The following CACNB2 variants were observed in gnomAD, a reference collection of about 807,000 sequenced individuals.
CACNB2 encodes calcium voltage-gated channel auxiliary subunit beta 2.
In CACNB2, 42 loss-of-function variants were observed where a neutral mutation model predicts 73.3. The ratio of observed to expected loss-of-function variants is 0.57; its 90% CI spans 0.45 to 0.74. The LOEUF (loss-of-function observed/expected upper bound fraction) is 0.74. Ranked by LOEUF, CACNB2 falls within the 30% of genes least tolerant of loss-of-function variation. The pLI, the probability that CACNB2 is intolerant of heterozygous loss-of-function variation, is 0.00. For synonymous variants in CACNB2, 348 were observed against 310.3 expected (o/e 1.12, Z -1.28); for missense variants, 940 against 853.0 (o/e 1.10, Z -1.27).
intron 3 of CACNB2, among the ~76,000 whole-genome samples, chr10:18,420,058 C>T (rs1312171339): frequency 1.3e-5 from 2 of 152,072 alleles, no homozygotes; most frequent in Non-Finnish European, 2.9e-5. Context: ...CCAGGCGTGC[C>T]CAACCCCCTG....
chr10:18,536,243 C>CTTTTCT (rs1327787339), intron 12 of CACNB2, 47 bp downstream of exon 12: 4,035 of 282,230 alleles, frequency 0.014, 344 homozygotes, highest in East Asian at 0.047. Flanking sequence ...GAGATCAGAC[C>CTTTTCT]TTTTTTTTTT....
At chr10:18,349,775 T>C (rs1301660595) in intron 2 of CACNB2, among the ~76,000 whole-genome samples, 5 of 151,576 alleles carry the variant, frequency 3.3e-5, no homozygotes, top group Admixed American at 3.3e-4. Flanking sequence ...GGCTACCCAA[T>C]AATGTGAATG....
intron 2 of CACNB2, among the ~76,000 whole-genome samples, chr10:18,191,834 A>G (rs1472012827): frequency 1.3e-5 from 2 of 152,138 alleles, no homozygotes; most frequent in African/African-American, 2.4e-5. Flanking sequence ...TTATGCACTC[A>G]TTGATTCATG....
At chr10:18,373,228 C>T (rs545719397) in intron 2 of CACNB2, among the ~76,000 whole-genome samples, 1 of 152,108 alleles carries the variant, frequency 6.6e-6, no homozygotes, top group Non-Finnish European at 1.5e-5. Context: ...GAAACTTACC[C>T]CTCTCCTTTC....
intron 2 of CACNB2, among the ~76,000 whole-genome samples, chr10:18,328,208 G>A (rs1448770399): frequency 1.3e-5 from 2 of 152,156 alleles, no homozygotes; most frequent in African/African-American, 4.8e-5. Context: ...AATTTACATG[G>A]CCCTAAAACA....
chr10:18,518,261 A>G (rs1230313161), intron 7 of CACNB2, 75 bp from the exon 8 acceptor site: 3 of 994,116 alleles, frequency 3.0e-6, no homozygotes, highest in Non-Finnish European at 3.2e-6. Context: ...GGAGTTCAGA[A>G]AGAGTACCTT....
intron 2 of CACNB2, among the ~76,000 whole-genome samples, chr10:18,159,733 GATA>G (rs2032320260): frequency 1.3e-5 from 2 of 152,302 alleles, no homozygotes; most frequent in South Asian, 4.1e-4. Flanking sequence ...ATTAAACTGC[GATA>G]ATGATTACAG....
chr10:18,394,688 C>A (rs961028983), intron 2 of CACNB2, among the ~76,000 whole-genome samples: 1 of 152,042 alleles, frequency 6.6e-6, no homozygotes, highest in African/African-American at 2.4e-5. Flanking sequence ...TGAAGATAAT[C>A]GAAATTACAT....
chr10:18,174,125 A>G (rs1053031409), intron 2 of CACNB2, among the ~76,000 whole-genome samples: 6 of 152,116 alleles, frequency 3.9e-5, no homozygotes, highest in African/African-American at 1.4e-4. Flanking sequence ...CATTGTTTGA[A>G]AGAAGTGAAA....
intron 2 of CACNB2, among the ~76,000 whole-genome samples, chr10:18,202,054 T>A (rs2034904555): frequency 6.6e-6 from 1 of 152,196 alleles, no homozygotes; most frequent in African/African-American, 2.4e-5. Context: ...TCACCAACAT[T>A]TTACCAGCTC....
intron 2 of CACNB2, among the ~76,000 whole-genome samples, chr10:18,355,385 C>T (rs1164580996): frequency 3.3e-5 from 5 of 152,006 alleles, no homozygotes; most frequent in African/African-American, 9.7e-5. Flanking sequence ...AATGTATCGT[C>T]GTTTTTTTAA....
chr10:18,263,762 G>A (rs186449990), intron 2 of CACNB2, among the ~76,000 whole-genome samples: 2 of 152,214 alleles, frequency 1.3e-5, no homozygotes, highest in Non-Finnish European at 2.9e-5. Context: ...GGTTGCCTCC[G>A]CTCACTTGTT....
intron 2 of CACNB2, among the ~76,000 whole-genome samples, chr10:18,310,638 A>C (rs1317466908): frequency 8.7e-5 from 13 of 150,276 alleles, no homozygotes; most frequent in African/African-American, 1.7e-4. Flanking sequence ...AGTAAAAAAA[A>C]AAAGAAAATT....
At chr10:18,322,914 T>A (rs927183735) in intron 2 of CACNB2, among the ~76,000 whole-genome samples, 1 of 151,270 alleles carries the variant, frequency 6.6e-6, no homozygotes, top group Non-Finnish European at 1.5e-5. Context: ...TATAGAAAAT[T>A]GCAAGAAAAA....
intron 2 of CACNB2, among the ~76,000 whole-genome samples, chr10:18,333,890 C>G (rs781210598): frequency 4.6e-5 from 7 of 151,934 alleles, no homozygotes; most frequent in Admixed American, 1.3e-4. Flanking sequence ...CGTCTCCTGG[C>G]AACGTAACAT....
intron 2 of CACNB2, among the ~76,000 whole-genome samples, chr10:18,360,724 C>T (rs2042107741): frequency 6.6e-6 from 1 of 152,202 alleles, no homozygotes; most frequent in Admixed American, 6.5e-5. Context: ...GGCTCCATAA[C>T]TTGTCCTCTT....
rs1016964838 is a variant in CACNB2 at position 18,539,147 on chromosome 10, C to G, written c.1489-83C>G. The G allele has an allele frequency of 3.8e-6, 6 of 1,567,906 alleles. No homozygotes were observed. In the African/African-American group the frequency reaches 4.1e-5, roughly 11 times the overall value. On this transcript the variant is annotated intron_variant, in intron 13 of 13. Coordinates refer to ENST00000324631, the MANE Select transcript of CACNB2 (RefSeq NM_201596.3). ...CAGCTTTTCGGATGCTTAAAAAGGA[C>G]TCTGCTTGAATGCACTTGCTCTGGG...
chr10:18,340,784 C>A, intron 2 of CACNB2: 1 of 1,582,470 alleles, frequency 6.3e-7, no homozygotes, highest in East Asian at 2.2e-5. Flanking sequence ...AGACTACACA[C>A]CCCAAGCCAG....
At chr10:18,346,007 C>A (rs941395513) in intron 2 of CACNB2, among the ~76,000 whole-genome samples, 2 of 152,188 alleles carry the variant, frequency 1.3e-5, no homozygotes, top group Non-Finnish European at 2.9e-5. Context: ...GCCAACATAT[C>A]ATCACATTTC....
Sources: gnomAD v4.1 joint callset for allele counts (sites outside exome capture counted in the v4.1 genomes callset) on GRCh38, gnomAD v4.1.1 for gene constraint, MANE v1.5 for transcripts, NCBI Gene and HGNC (gene_info 2026-07-23, HGNC 2026-07-21) for gene names.